The following NBR1 variants were observed in gnomAD, a reference collection of about 807,000 sequenced individuals.
NBR1 encodes the protein next to BRCA1 gene 1 protein.
Under a neutral mutation model 115.5 loss-of-function variants are expected in NBR1, and 59 were observed. The observed-to-expected ratio is 0.51, with a 90% CI of 0.41 to 0.63. The LOEUF is 0.63. NBR1 is among the 30% of genes least tolerant of loss of function. The probability of loss-of-function intolerance (pLI) is 0.00; values close to 1 mark genes in which losing one functional copy is unlikely to be tolerated. For synonymous variants in NBR1, 373 were observed against 414.7 expected (o/e 0.90, Z 1.22); for missense variants, 1,043 against 1,150.5 (o/e 0.91, Z 1.35).
intron 1 of NBR1, among the ~76,000 whole-genome samples, chr17:43,174,459 G>T (rs1203589794): frequency 1.3e-5 from 2 of 151,986 alleles, no homozygotes; most frequent in African/African-American, 4.8e-5. Context: ...TTAGCCAGGC[G>T]TGGTGGCGGG....
At chr17:43,170,755 C>T (rs2056332055), upstream of NBR1, 2 of 152,358 alleles carry the variant, frequency 1.3e-5, no homozygotes, top group South Asian at 2.1e-4. Context: ...GGGCACAATT[C>T]TCACGGAAAT....
rs755318617 is a variant in NBR1, at chr17:43,201,676, T to C, written c.2469-10T>C. The C allele has an allele frequency of 7.7e-6, 12 of 1,548,954 alleles. No individual in the cohort carries two copies. In the South Asian group the frequency reaches 1.3e-4, roughly 17 times the overall value. ...TTCAATTTACTTTCCATATTGTGTC[T>C]TTCTGAAAGGAGCTCTCCTTGTGTA... On this transcript the variant is annotated splice_polypyrimidine_tract_variant and intron_variant, in intron 17 of 20. Transcript: ENST00000590996.
chr17:43,191,721 TTTTG>T lies in NBR1; in HGVS notation c.1073+152_1073+155del, dbSNP rs1251234312. The T allele has an allele frequency of 1.4e-4, 92 of 643,562 alleles. 1 individual carries two copies. Among genetic ancestry groups the T allele is most frequent in the Admixed American group, 7.3e-4 (24 of 32,824 alleles). 39.9% of individuals were successfully genotyped at this position (643,562 alleles called of 1,614,324 possible). ...CTTTCCATTATCTGGTCTTAGTATTTTTTGTTTGTTTGTTTTTTGAGACAGAGTC... is the reference window on the plus strand; with the variant it reads ...CTTTCCATTATCTGGTCTTAGTATTTTTTGTTTGTTTTTTGAGACAGAGTC... On this transcript the variant is annotated intron_variant, in intron 10 of 20. Coordinates refer to ENST00000590996, the MANE Select transcript of NBR1 (RefSeq NM_005899.5).
chr17:43,183,442 A>G (rs1243459508), intron 5 of NBR1, among the ~76,000 whole-genome samples: 1 of 148,608 alleles, frequency 6.7e-6, no homozygotes, highest in Non-Finnish European at 1.5e-5. Context: ...GGTGGTCTCA[A>G]TCTCTTGACC....
rs75212854 is a variant in NBR1, at chr17:43,175,774, A to G, written c.-9-17A>G. On this transcript the variant is annotated splice_polypyrimidine_tract_variant and intron_variant, in intron 1 of 20. Coordinates refer to ENST00000590996, the MANE Select transcript of NBR1 (RefSeq NM_005899.5). ...AATGTGTTTTTCTCTCTCTCCCACC[A>G]ACCTTCTCAACCCTAGCCTCACAGC... 0.012 allele frequency: 15,306 copies of G among 1,254,812 alleles called. 130 individuals carry two copies. Among genetic ancestry groups the G allele is most frequent in the Non-Finnish European group, 0.015 (12,970 of 874,532 alleles). The allele number at this position is 1,254,812 out of a possible 1,614,324, so 77.7% of individuals were successfully genotyped here. A position where few individuals can be genotyped will look rare whatever the true frequency, so the allele number is the denominator to read the frequency against.
intron 6 of NBR1, among the ~76,000 whole-genome samples, chr17:43,187,502 CTTTTTTTTTTTT>C (rs71160025): frequency 1.5e-5 from 1 of 68,836 alleles, no homozygotes; most frequent in Non-Finnish European, 2.4e-5. Flanking sequence ...TATTTCCTGA[CTTTTTTTTTTTT>C]TTTTTTTTTT....
chr17:43,184,966 A>G (rs1182776793), intron 5 of NBR1, among the ~76,000 whole-genome samples: 2 of 151,532 alleles, frequency 1.3e-5, no homozygotes, highest in Admixed American at 6.6e-5. Context: ...GCGTGCGCCT[A>G]TAGTCCCAGC....
intron 2 of NBR1, among the ~76,000 whole-genome samples, chr17:43,177,139 A>C (rs561696112): frequency 2.6e-5 from 4 of 151,940 alleles, no homozygotes; most frequent in Admixed American, 1.3e-4. Context: ...TGGGCCTGGT[A>C]GCAGGCACCT....
upstream of NBR1, chr17:43,170,719 T>G (rs951281652): frequency 1.3e-5 from 2 of 152,304 alleles, no homozygotes; most frequent in African/African-American, 4.8e-5. Flanking sequence ...TGTAGTCTTA[T>G]GGAGAGGAAC....
chr17:43,186,285 A>G lies in NBR1; in HGVS notation c.243A>G (p.Gln81=). The G allele has an allele frequency of 1.3e-6, 2 of 1,584,266 alleles. No individual in the cohort carries two copies. Among genetic ancestry groups the G allele is most frequent in the Non-Finnish European group, 1.7e-6 (2 of 1,165,306 alleles). The change falls in exon 6 of 21, where the codon CAA becomes CAG. Residue 81 remains glutamine (Q), a synonymous_variant. Coordinates refer to ENST00000590996, the MANE Select transcript of NBR1 (RefSeq NM_005899.5). ...AVKQGNQLQM[Q]VHEGHHVVDE... ...AACAGGGAAACCAACTGCAGATGCA[A>G]GTCCACGAAGGGCACCATGTCGTTG...
At chr17:43,184,357 C>T (rs1267339960) in intron 5 of NBR1, among the ~76,000 whole-genome samples, 1 of 108,860 alleles carries the variant, frequency 9.2e-6, no homozygotes, top group Non-Finnish European at 2.0e-5. Context: ...CCTCTCATCG[C>T]CCCAAAATAC....
chr17:43,177,962 T>C lies in NBR1; in HGVS notation c.129T>C (p.Thr43=), dbSNP rs1211229866. Residue 43 remains threonine, a synonymous_variant, in exon 3 of 21, where the codon ACT becomes ACC. Transcript: ENST00000590996. ...AMVKVSFDLN[T]IQIKYLDEEN... Reference sequence around the variant, plus strand: ...TAAAAGTTTCATTTGATCTGAATACTATTCAAATAAAATACCTGGATGAGG... The same window carrying C: ...TAAAAGTTTCATTTGATCTGAATACCATTCAAATAAAATACCTGGATGAGG... 1 of 1,561,302 alleles carries C rather than the reference T, an allele frequency of 6.4e-7. No homozygotes were observed. The highest frequency in any genetic ancestry group is 1.1e-5 in the South Asian group (1 of 89,418).
intron 5 of NBR1, among the ~76,000 whole-genome samples, 180 bp downstream of exon 5, chr17:43,180,997 G>T (rs368607943): frequency 5.5e-4 from 83 of 151,980 alleles, no homozygotes; most frequent in East Asian, 9.7e-4. Context: ...TCAGCCTCCC[G>T]AGTAGCTGGA....
chr17:43,196,349 C>A (rs2057067473), intron 14 of NBR1, 132 bp from the exon 15 acceptor site: 3 of 561,232 alleles, frequency 5.3e-6, no homozygotes, highest in Admixed American at 4.0e-5. Context: ...TTGTAACAGA[C>A]CTCAAAGCAT....
At position 43,191,561 on chromosome 17, in the gene NBR1, G is replaced by C; in HGVS notation, c.1053G>C (p.Leu351Phe). 6.2e-7 allele frequency: 1 copy of C among 1,612,110 alleles called. No individual in the cohort carries two copies. Reference protein sequence around the residue: ...PKSPLGRPESLLQSNTLMLPL... With the variant: ...PKSPLGRPESFLQSNTLMLPL... Reference sequence around the variant, plus strand: ...CTCCTTTAGGCCGACCTGAGAGCTTGCTCCAGTCTAATACCCTGATGTAAG... The same window carrying C: ...CTCCTTTAGGCCGACCTGAGAGCTTCCTCCAGTCTAATACCCTGATGTAAG... The change falls in exon 10 of 21, where the codon TTG becomes TTC. Residue 351 changes from leucine to phenylalanine, a missense_variant. Transcript: ENST00000590996.
intron 20 of NBR1, chr17:43,209,442 G>GT (rs1160559247): frequency 2.4e-4 from 194 of 796,716 alleles, no homozygotes; most frequent in Admixed American, 6.4e-4. Flanking sequence ...TTCCCAAGCT[G>GT]TTTTTTTTGT....
chr17:43,176,470 A>AC (rs2056520334), intron 2 of NBR1: 1 of 152,136 alleles, frequency 6.6e-6, no homozygotes, highest in African/African-American at 2.4e-5. Context: ...GCAGTGGTGA[A>AC]TGTTTTACTT....
chr17:43,191,200 G>A lies in NBR1; in HGVS notation c.864-172G>A, dbSNP rs543334643. Among the ~76,000 whole-genome samples the A allele has an allele frequency of 5.9e-5, 9 of 152,262 alleles. No homozygotes were observed. The East Asian group carries it at 1.5e-3, about 26-fold the overall frequency. ...GCCCAGGAATATGAGGTGGAAGGGAGCCATGATTAGACCACTGTACTCCAG... is the reference window on the plus strand; with the variant it reads ...GCCCAGGAATATGAGGTGGAAGGGAACCATGATTAGACCACTGTACTCCAG... On this transcript the variant is annotated intron_variant, in intron 9 of 20. Coordinates refer to ENST00000590996, the MANE Select transcript of NBR1 (RefSeq NM_005899.5).
chr17:43,176,874 C>A (rs542102021), intron 2 of NBR1, among the ~76,000 whole-genome samples: 4 of 152,246 alleles, frequency 2.6e-5, no homozygotes, highest in East Asian at 1.9e-4. Flanking sequence ...TTCTCCCCCC[C>A]CTCATCTGTT....
Sources: gnomAD v4.1 joint callset for allele counts (sites outside exome capture counted in the v4.1 genomes callset) on GRCh38, gnomAD v4.1.1 for gene constraint, MANE v1.5 for transcripts, NCBI Gene and HGNC (gene_info 2026-07-23, HGNC 2026-07-21) for gene names.